YBEY: variants seen among roughly 807,000 people sequenced by gnomAD.
The protein encoded by YBEY is ybeY metalloendoribonuclease.
YBEY carries 15 observed loss-of-function variants against 13.5 expected under a neutral mutation model. The observed-to-expected ratio is 1.11, with a 90% CI of 0.75 to 1.72. The LOEUF is 1.72. YBEY is among the 40% of genes most tolerant of loss of function. The pLI is 0.00. For synonymous variants in YBEY, 101 were observed against 83.1 expected, an observed-to-expected ratio of 1.21 and a Z score of -1.17; for missense variants, 244 against 208.4, an observed-to-expected ratio of 1.17 and a Z score of -1.05.
downstream of YBEY, chr21:46,301,547 G>T (rs556189321): frequency 2.0e-6 from 2 of 988,666 alleles, no homozygotes; most frequent in Admixed American, 1.2e-4. Context: ...ACACTTCCAT[G>T]TGGCTAAAGC....
chr21:46,296,074 C>G (rs999697010), intron 3 of YBEY, 88 bp from the exon 4 acceptor site: 1 of 1,462,412 alleles, frequency 6.8e-7, no homozygotes, highest in African/African-American at 1.4e-5. Context: ...AGCCACATAC[C>G]AAGAGCAGCC....
downstream of YBEY, chr21:46,301,618 ATCTT>A (rs2082110888): frequency 9.7e-7 from 1 of 1,031,812 alleles, no homozygotes; most frequent in Non-Finnish European, 1.2e-6. Flanking sequence ...TCTGGATGAA[ATCTT>A]TATTTCATCA....
chr21:46,295,400 C>G (rs924146254), intron 3 of YBEY, among the ~76,000 whole-genome samples: 1 of 152,090 alleles, frequency 6.6e-6, no homozygotes, highest in Non-Finnish European at 1.5e-5. Flanking sequence ...ACCCAAACCC[C>G]AGGGGAGTGC....
chr21:46,305,780 A>T, the YBEY span, among the ~76,000 whole-genome samples: 3,822 of 151,986 alleles, frequency 0.025, 80 homozygotes, highest in Non-Finnish European at 0.032. Context: ...TCTACTAAAA[A>T]TACAAAAAAA....
At chr21:46,287,451 C>G (rs544170654) in intron 2 of YBEY, among the ~76,000 whole-genome samples, 4 of 152,134 alleles carry the variant, frequency 2.6e-5, no homozygotes, top group Non-Finnish European at 5.9e-5. Flanking sequence ...CTGCCTGCCT[C>G]GGGCTTCCCA....
At chr21:46,292,614 C>G (rs371286312) in intron 3 of YBEY, among the ~76,000 whole-genome samples, 82 of 104,230 alleles carry the variant, frequency 7.9e-4, no homozygotes, top group Admixed American at 1.6e-3. Flanking sequence ...GCCCGGGACT[C>G]AGTGGGGACA....
At chr21:46,297,480 C>G (rs932799390) in intron 4 of YBEY, 59 bp from the exon 5 acceptor site, 2 of 1,318,940 alleles carry the variant, frequency 1.5e-6, no homozygotes, top group Non-Finnish European at 2.0e-6. Flanking sequence ...GAGGCGACCC[C>G]AGAGAGTGGG....
chr21:46,299,239 A>G (rs147599474), downstream of YBEY, among the ~76,000 whole-genome samples: 11 of 152,146 alleles, frequency 7.2e-5, no homozygotes, highest in Admixed American at 4.6e-4. Flanking sequence ...AAGTGCTGAC[A>G]TTATAGGTGT....
At chr21:46,302,683 C>CAGGT (rs1446229831), downstream of YBEY, 17 of 892,044 alleles carry the variant, frequency 1.9e-5, no homozygotes, top group Middle Eastern at 2.3e-4. Flanking sequence ...GTACACTGTG[C>CAGGT]AGGTCCCCGG....
At chr21:46,297,260 TC>T (rs1419974273) in intron 4 of YBEY, among the ~76,000 whole-genome samples, 2 of 114,188 alleles carry the variant, frequency 1.8e-5, no homozygotes, top group African/African-American at 3.2e-5. Flanking sequence ...CCTCCCCTCC[TC>T]CCCCTTCCCT....
At chr21:46,303,741 A>AT in the YBEY span, among the ~76,000 whole-genome samples, 1 of 24,270 alleles carries the variant, frequency 4.1e-5, no homozygotes, top group African/African-American at 1.6e-4. Flanking sequence ...ATATATATAT[A>AT]TATATTTTTT....
At position 46,297,554 on chromosome 21, in the gene YBEY, A is replaced by T; in HGVS notation, c.424A>T (p.Lys142Ter). The T allele has an allele frequency of 7.2e-7, 1 of 1,392,932 alleles. No homozygotes were observed. The highest frequency in any genetic ancestry group is 9.4e-7 in the Non-Finnish European group (1 of 1,060,836). The allele number at this position is 1,392,932 out of a possible 1,614,324, so 86.3% of individuals were successfully genotyped here. A position where few individuals can be genotyped will look rare whatever the true frequency, so the allele number is the denominator to read the frequency against. The change falls in exon 5 of 5, where the codon AAG becomes TAG. Residue 142 changes from lysine to a stop codon, truncating the protein, a stop_gained. Coordinates refer to ENST00000397701, the MANE Select transcript of YBEY (RefSeq NM_001314025.2). LOFTEE classifies it high-confidence loss of function. ...AEWQQMFQKE[K>*]AVLDELGRRT... ...TTCCTTCCAGATGTTCCAGAAGGAG[A>T]AGGCGGTGCTGGACGAGCTGGGCCG... is the stretch of plus-strand genomic sequence containing the variant.
intron 4 of YBEY, among the ~76,000 whole-genome samples, chr21:46,296,616 G>A (rs946477378): frequency 2.0e-5 from 3 of 152,152 alleles, no homozygotes; most frequent in Non-Finnish European, 2.9e-5. Context: ...CGTGGGCTCC[G>A]GTCCACATGG....
At chr21:46,302,362 G>T, downstream of YBEY, 1 of 1,084,554 alleles carries the variant, frequency 9.2e-7, no homozygotes, top group Non-Finnish European at 1.3e-6. Flanking sequence ...GGGCTTCACA[G>T]CCAGACTGTA....
chr21:46,296,027 C>G, intron 3 of YBEY, 135 bp from the exon 4 acceptor site: 2 of 793,578 alleles, frequency 2.5e-6, no homozygotes, highest in Non-Finnish European at 2.1e-6. Context: ...GCCTGTAATT[C>G]CTGCCCAGGG....
the YBEY span, among the ~76,000 whole-genome samples, chr21:46,303,707 AAATATATATATATATATATAT>A: frequency 1.4e-3 from 60 of 41,502 alleles, 1 homozygote; most frequent in African/African-American, 5.1e-3. Context: ...CACACACACA[AAATATATATATATATATATAT>A]ATATATATAT....
chr21:46,312,871 C>A, the YBEY span: 1 of 432,014 alleles, frequency 2.3e-6, no homozygotes, highest in Non-Finnish European at 3.1e-6. Flanking sequence ...TGGTTAATTA[C>A]TGTCCTCCAT....
chr21:46,287,283 T>A (rs919453309), intron 2 of YBEY, among the ~76,000 whole-genome samples, 160 bp downstream of exon 2: 1 of 151,446 alleles, frequency 6.6e-6, no homozygotes, highest in African/African-American at 2.4e-5. Context: ...GCAACCTCCC[T>A]TCCTGGTTCA....
At position 46,286,926 on chromosome 21, in the gene YBEY, A is replaced by G. The variant is rs748134543; in HGVS notation, c.13A>G (p.Ile5Val). Residue 5 changes from isoleucine to valine, a missense_variant, in exon 2 of 5, where the codon ATT (isoleucine) becomes GTT (valine). By Grantham distance (29) the Ile-to-Val change is conservative (BLOSUM62 3). Transcript: ENST00000397701. The stretch of plus-strand genomic sequence containing the variant: ...TATTCTTCCTGAAATGAGTTTGGTG[A>G]TTAGAAATCTGCAGCGAGTCATCCC... MSLV[I>V]RNLQRVIPIR... 1 of 1,613,860 alleles carries G rather than the reference A, an allele frequency of 6.2e-7. No homozygotes were observed. Among genetic ancestry groups the G allele is most frequent in the Non-Finnish European group, 8.5e-7 (1 of 1,179,956 alleles).
Sources: allele counts gnomAD v4.1 joint callset (sites outside exome capture counted in the v4.1 genomes callset), GRCh38; gene constraint gnomAD v4.1.1; transcripts MANE v1.5; gene names NCBI Gene and HGNC (gene_info 2026-07-23, HGNC 2026-07-21).